Variants in ADGRL3 observed in about 807,000 individuals in gnomAD.
ADGRL3 encodes the protein calcium-independent alpha-latrotoxin receptor 3.
In ADGRL3, 62 loss-of-function variants were observed where a neutral mutation model predicts 153.5. The observed-to-expected ratio is 0.40, with a 90% CI of 0.33 to 0.50. ADGRL3 has a LOEUF of 0.50. Among genes scored for constraint, ADGRL3 ranks in the 20% least tolerant of loss-of-function variants. ADGRL3 has a pLI of 0.47. For synonymous variants in ADGRL3, 710 were observed against 672.5 expected (o/e 1.06, Z -0.86); for missense variants, 1,641 against 1,859.4 (o/e 0.88, Z 2.16).
At chr4:61,965,244 C>A (rs893180932) in intron 17 of ADGRL3, among the ~76,000 whole-genome samples, 1 of 151,996 alleles carries the variant, frequency 6.6e-6, no homozygotes, top group African/African-American at 2.4e-5. Flanking sequence ...AGCGATCCCC[C>A]CGCCATTTCC....
intron 1 of ADGRL3, among the ~76,000 whole-genome samples, chr4:61,285,250 T>C (rs1198399525): frequency 1.3e-5 from 2 of 151,898 alleles, no homozygotes; most frequent in African/African-American, 4.8e-5. Flanking sequence ...AATTAAATTA[T>C]AGATTTAGCT....
At chr4:61,561,401 C>T (rs1227014631) in intron 4 of ADGRL3, among the ~76,000 whole-genome samples, 4 of 152,138 alleles carry the variant, frequency 2.6e-5, no homozygotes, top group African/African-American at 9.7e-5. Flanking sequence ...TCTCATTTAA[C>T]TCCAGGTACA....
intron 6 of ADGRL3, among the ~76,000 whole-genome samples, chr4:61,728,714 GA>G (rs887567939): frequency 2.4e-4 from 36 of 152,134 alleles, no homozygotes; most frequent in Admixed American, 6.5e-4. Context: ...AATTAGTTCT[GA>G]AAACTTCTTT....
At chr4:61,443,540 A>G (rs2097548923) in intron 2 of ADGRL3, among the ~76,000 whole-genome samples, 4 of 152,128 alleles carry the variant, frequency 2.6e-5, no homozygotes, top group Admixed American at 6.5e-5. Flanking sequence ...ATAAACAGCT[A>G]ATATTTAATT....
intron 3 of ADGRL3, among the ~76,000 whole-genome samples, chr4:61,516,277 C>G (rs2098494231): frequency 1.3e-5 from 2 of 152,056 alleles, no homozygotes; most frequent in African/African-American, 2.4e-5. Context: ...AATTCTCTTG[C>G]ATTATTGATT....
intron 3 of ADGRL3, among the ~76,000 whole-genome samples, chr4:61,507,022 A>G (rs1334796838): frequency 6.6e-6 from 1 of 152,208 alleles, no homozygotes; most frequent in African/African-American, 2.4e-5. Flanking sequence ...TAGAGATATC[A>G]CAAGAGTAGT....
intron 1 of ADGRL3, among the ~76,000 whole-genome samples, chr4:61,274,412 C>T (rs544476093): frequency 1.3e-5 from 2 of 152,248 alleles, no homozygotes; most frequent in East Asian, 1.9e-4. Flanking sequence ...ACTATGTTGG[C>T]CCCATGTTGA....
chr4:61,857,084 TTTTC>T (rs1043841689), intron 9 of ADGRL3, among the ~76,000 whole-genome samples: 7 of 150,656 alleles, frequency 4.6e-5, no homozygotes, highest in Admixed American at 2.7e-4. Flanking sequence ...TTCTTTCTTT[TTTTC>T]TTTCTTTCTT....
intron 6 of ADGRL3, among the ~76,000 whole-genome samples, chr4:61,687,171 C>G: frequency 6.6e-6 from 1 of 151,384 alleles, no homozygotes; most frequent in Non-Finnish European, 1.5e-5. Flanking sequence ...AATCCAAAGT[C>G]AAATAAATAC....
intron 6 of ADGRL3, among the ~76,000 whole-genome samples, chr4:61,685,573 T>C (rs1209630037): frequency 6.6e-6 from 1 of 152,052 alleles, no homozygotes; most frequent in African/African-American, 2.4e-5. Flanking sequence ...GGAAGAACTT[T>C]CAAGGCAGAG....
chr4:61,425,227 C>A (rs2097262291), intron 2 of ADGRL3: 1 of 152,262 alleles, frequency 6.6e-6, no homozygotes, highest in Admixed American at 6.5e-5. Context: ...CCCCTGCTAA[C>A]CAGCCCCATT....
At chr4:62,030,112 T>C (rs189720778) in intron 22 of ADGRL3, among the ~76,000 whole-genome samples, 2 of 151,732 alleles carry the variant, frequency 1.3e-5, no homozygotes, top group East Asian at 3.9e-4. Context: ...TGGCTGATTG[T>C]TATGGGAGAA....
chr4:61,466,373 T>C (rs1358453202), intron 2 of ADGRL3, among the ~76,000 whole-genome samples: 2 of 152,206 alleles, frequency 1.3e-5, no homozygotes, highest in Non-Finnish European at 2.9e-5. Flanking sequence ...AGATAGCTTT[T>C]CAAAAGCCCT....
intron 7 of ADGRL3, among the ~76,000 whole-genome samples, chr4:61,731,776 CAT>C (rs1400106788): frequency 6.6e-6 from 1 of 152,072 alleles, no homozygotes; most frequent in Non-Finnish European, 1.5e-5. Flanking sequence ...CCACTTGAAA[CAT>C]GTGATTCAAG....
intron 24 of ADGRL3, among the ~76,000 whole-genome samples, chr4:62,043,345 TAAAAC>T (rs1046602335): frequency 1.3e-5 from 2 of 152,068 alleles, no homozygotes; most frequent in African/African-American, 4.8e-5. Flanking sequence ...AACCAACTAA[TAAAAC>T]AAATGTGAGA....
chr4:61,465,758 A>AATAAATATATATATAT (rs71664991), intron 2 of ADGRL3, among the ~76,000 whole-genome samples: 76 of 130,154 alleles, frequency 5.8e-4, no homozygotes, highest in Middle Eastern at 4.5e-3. Context: ...ATTATATATA[A>AATAAATATATATATAT]ATATATATAT....
chr4:61,476,877 C>G (rs1055849216), intron 2 of ADGRL3, among the ~76,000 whole-genome samples: 5 of 151,850 alleles, frequency 3.3e-5, no homozygotes, highest in Non-Finnish European at 7.4e-5. Flanking sequence ...GCCTGGCCGG[C>G]AATGACTCTT....
At chr4:61,351,945 A>G (rs988662030) in intron 1 of ADGRL3, among the ~76,000 whole-genome samples, 1 of 152,192 alleles carries the variant, frequency 6.6e-6, no homozygotes, top group Non-Finnish European at 1.5e-5. Context: ...ATTATTTAAG[A>G]AATGTAATTC....
At chr4:61,525,850 T>C (rs1436375778) in intron 4 of ADGRL3, among the ~76,000 whole-genome samples, 1 of 151,996 alleles carries the variant, frequency 6.6e-6, no homozygotes, top group Non-Finnish European at 1.5e-5. Context: ...ATGGTGAAGT[T>C]GGTCTTAGAT....
Sources: allele counts gnomAD v4.1 joint callset (sites outside exome capture counted in the v4.1 genomes callset), GRCh38; gene constraint gnomAD v4.1.1; transcripts MANE v1.5; gene names NCBI Gene and HGNC (gene_info 2026-07-23, HGNC 2026-07-21).